The following PTPRD variants were observed in gnomAD, a reference collection of about 807,000 sequenced individuals.
PTPRD encodes the protein receptor-type tyrosine-protein phosphatase delta.
Under a neutral mutation model 214.5 loss-of-function variants are expected in PTPRD, and 34 were observed. The ratio of observed to expected loss-of-function variants is 0.16; its 90% CI spans 0.12 to 0.21. PTPRD has a LOEUF of 0.21. Among genes scored for constraint, PTPRD ranks in the 10% least tolerant of loss-of-function variants. PTPRD has a pLI of 1.00. For missense variants in PTPRD, 2,545 were observed against 2,398.7 expected (o/e 1.06, Z -1.27); for synonymous variants, 1,128 against 845.7 (o/e 1.33, Z -5.79).
intron 3 of PTPRD, among the ~76,000 whole-genome samples, chr9:10,144,114 T>G (rs1052789624): frequency 6.6e-6 from 1 of 152,114 alleles, no homozygotes; most frequent in South Asian, 2.1e-4. Flanking sequence ...ATAAAGTAAT[T>G]TTAAAAATAA....
At chr9:9,407,541 T>G (rs1429724543) in intron 8 of PTPRD, among the ~76,000 whole-genome samples, 1 of 151,804 alleles carries the variant, frequency 6.6e-6, no homozygotes, top group Non-Finnish European at 1.5e-5. Context: ...TGTCCTATCC[T>G]AAATTTTCCA....
chr9:8,736,412 T>C (rs1423496644), intron 11 of PTPRD, among the ~76,000 whole-genome samples: 1 of 152,174 alleles, frequency 6.6e-6, no homozygotes, highest in Non-Finnish European at 1.5e-5. Flanking sequence ...AAAATGAAAC[T>C]GCATACCTTT....
At chr9:9,062,561 TATC>T in intron 10 of PTPRD, among the ~76,000 whole-genome samples, 1 of 1,570 alleles carries the variant, frequency 6.4e-4, no homozygotes, top group Non-Finnish European at 5.4e-3. Context: ...ATATATTATC[TATC>T]TATCTATCTA....
Position 9,636,666 on chromosome 9 carries a change from T to C in PTPRD, c.-286-61885A>G, listed in dbSNP as rs150891038. ...AGTCTCTGAAAGTATAGAAGACAGA[T>C]TGTCACCAGCTTGTGGATGACCCAA... On this transcript the variant is annotated intron_variant, in intron 7 of 45. Transcript: ENST00000381196. 1.6e-4 allele frequency among the ~76,000 whole-genome samples: 24 copies of C among 152,312 alleles called. No individual in the cohort carries two copies. The East Asian group carries it at 3.1e-3, about 20-fold the overall frequency.
At chr9:9,109,395 C>T (rs1177635493) in intron 10 of PTPRD, among the ~76,000 whole-genome samples, 1 of 152,126 alleles carries the variant, frequency 6.6e-6, no homozygotes, top group Non-Finnish European at 1.5e-5. Context: ...ATTTCTCTCA[C>T]TGTTGCCTAT....
intron 2 of PTPRD, among the ~76,000 whole-genome samples, chr9:10,470,115 T>C (rs1283171368): frequency 6.6e-6 from 1 of 152,080 alleles, no homozygotes; most frequent in Non-Finnish European, 1.5e-5. Context: ...AACTAGAAGA[T>C]ATGGAATAGT....
chr9:9,800,682 C>T (rs967421266), intron 5 of PTPRD: 2 of 152,044 alleles, frequency 1.3e-5, no homozygotes, highest in African/African-American at 4.8e-5. Flanking sequence ...ATGGTAAGTA[C>T]CTGATAAATG....
chr9:10,327,691 A>G (rs757063677), intron 3 of PTPRD, among the ~76,000 whole-genome samples: 6 of 151,744 alleles, frequency 4.0e-5, no homozygotes, highest in Admixed American at 1.3e-4. Flanking sequence ...AAGAAGTGCT[A>G]TTTGAAACTA....
intron 8 of PTPRD, among the ~76,000 whole-genome samples, chr9:9,462,438 CATT>C (rs1341116636): frequency 6.6e-6 from 1 of 152,114 alleles, no homozygotes; most frequent in African/African-American, 2.4e-5. Flanking sequence ...CACCAGAAGT[CATT>C]GTCATAAAAT....
intron 9 of PTPRD, among the ~76,000 whole-genome samples, chr9:9,268,765 G>C (rs922736454): frequency 1.3e-5 from 2 of 148,980 alleles, no homozygotes; most frequent in African/African-American, 4.9e-5. Context: ...AGAAAGGATA[G>C]TGTCTTCAAT....
At chr9:9,949,521 G>C (rs1221470219) in intron 4 of PTPRD, among the ~76,000 whole-genome samples, 2 of 152,128 alleles carry the variant, frequency 1.3e-5, no homozygotes, top group East Asian at 1.9e-4. Context: ...CCCTCGTAGG[G>C]AGTTAATGAT....
At chr9:8,801,102 C>G (rs2096562366) in intron 11 of PTPRD, among the ~76,000 whole-genome samples, 2 of 152,158 alleles carry the variant, frequency 1.3e-5, no homozygotes, top group Non-Finnish European at 2.9e-5. Flanking sequence ...TAATTTGCTC[C>G]TTTCCCAATT....
intron 10 of PTPRD, among the ~76,000 whole-genome samples, chr9:9,134,248 AT>A (rs1236129721): frequency 2.1e-5 from 3 of 145,552 alleles, no homozygotes; most frequent in East Asian, 2.0e-4. Flanking sequence ...AATTTTTTGT[AT>A]TTTTTAGTAG....
At chr9:9,608,833 A>G (rs923760936) in intron 7 of PTPRD, among the ~76,000 whole-genome samples, 4 of 152,304 alleles carry the variant, frequency 2.6e-5, no homozygotes, top group African/African-American at 9.6e-5. Context: ...ATTATTCTGT[A>G]CATTACTTCT....
At chr9:10,341,503 T>C (rs537984284) in intron 2 of PTPRD, among the ~76,000 whole-genome samples, 197 of 152,074 alleles carry the variant, frequency 1.3e-3, no homozygotes, top group African/African-American at 4.5e-3. Flanking sequence ...AAAGATAATA[T>C]TGGGTGCAAA....
chr9:8,730,859 T>C (rs890925934), intron 12 of PTPRD, among the ~76,000 whole-genome samples: 5 of 152,182 alleles, frequency 3.3e-5, no homozygotes, highest in Non-Finnish European at 5.9e-5. Flanking sequence ...AGAAGTCGCA[T>C]ATGCCCTTCC....
intron 8 of PTPRD, among the ~76,000 whole-genome samples, chr9:9,464,683 C>T (rs936522195): frequency 3.9e-5 from 6 of 152,082 alleles, no homozygotes; most frequent in Non-Finnish European, 4.4e-5. Flanking sequence ...TGATTTCCAC[C>T]CCGGGAATCA....
At chr9:8,670,422 G>T (rs112794394) in intron 12 of PTPRD, among the ~76,000 whole-genome samples, 32 of 152,068 alleles carry the variant, frequency 2.1e-4, no homozygotes, top group Admixed American at 2.0e-3. Flanking sequence ...TGAATGTATG[G>T]ATTATAGTCT....
At chr9:8,925,065 T>A (rs1444884638) in intron 11 of PTPRD, among the ~76,000 whole-genome samples, 1 of 152,192 alleles carries the variant, frequency 6.6e-6, no homozygotes, top group Non-Finnish European at 1.5e-5. Flanking sequence ...CTTCCTGCTC[T>A]TTTTACAGCC....
Sources: gnomAD v4.1 joint callset for allele counts (sites outside exome capture counted in the v4.1 genomes callset) on GRCh38, gnomAD v4.1.1 for gene constraint, MANE v1.5 for transcripts, NCBI Gene and HGNC (gene_info 2026-07-23, HGNC 2026-07-21) for gene names.